Variants in NEGR1 observed in about 807,000 individuals in gnomAD.
The protein encoded by NEGR1 is IgLON family member 4.
In NEGR1, 10 loss-of-function variants were observed where a neutral mutation model predicts 40.9. The ratio of observed to expected loss-of-function variants is 0.24; its 90% confidence interval spans 0.15 to 0.42. The LOEUF (loss-of-function observed/expected upper bound fraction) is 0.42. NEGR1 is among the 10% of genes least tolerant of loss of function. The pLI, the probability that NEGR1 is intolerant of heterozygous loss-of-function variation, is 1.00. For missense variants in NEGR1, 352 were observed against 438.9 expected (o/e 0.80, Z 1.77); for synonymous variants, 185 against 166.8 (o/e 1.11, Z -0.84).
intron 4 of NEGR1, among the ~76,000 whole-genome samples, chr1:71,647,395 C>A (rs1413982877): frequency 6.6e-6 from 1 of 151,902 alleles, no homozygotes; most frequent in African/African-American, 2.4e-5. Context: ...GCATTGGTCT[C>A]ATGTCTAGTA....
chr1:72,282,388 T>C lies in NEGR1; in HGVS notation c.107A>G (p.Gln36Arg), dbSNP rs1363927218. The C allele has an allele frequency of 3.1e-6, 5 of 1,613,924 alleles. No individual in the cohort carries two copies. The highest frequency in any genetic ancestry group is 2.2e-5 in the East Asian group (1 of 44,808). ...CLLPSCLPAG[Q>R]SVDFPWAAVD... ...GGCCGCCCAGGGGAAGTCCACACTC[T>C]GTCCAGCCGGGAGGCAGGAGGGTAG... The change falls in exon 1 of 7, where the codon CAG becomes CGG. Residue 36 changes from glutamine to arginine, a missense_variant. This residue lies in a region of NEGR1 where 81 missense variants were observed against 85.8 expected (regional missense o/e 0.94). Coordinates refer to ENST00000357731, the MANE Select transcript of NEGR1 (RefSeq NM_173808.3).
At chr1:72,174,038 A>T (rs1044585737) in intron 1 of NEGR1, among the ~76,000 whole-genome samples, 2 of 152,074 alleles carry the variant, frequency 1.3e-5, no homozygotes, top group South Asian at 4.1e-4. Flanking sequence ...TCATTTTCTC[A>T]TTTTGTTTCA....
intron 1 of NEGR1, among the ~76,000 whole-genome samples, chr1:72,069,669 A>G (rs1647382749): frequency 6.6e-6 from 1 of 152,132 alleles, no homozygotes; most frequent in Non-Finnish European, 1.5e-5. Context: ...CACTGAAATA[A>G]CACTCTATAG....
At chr1:71,950,181 G>A (rs555988004) in intron 1 of NEGR1, among the ~76,000 whole-genome samples, 1 of 152,000 alleles carries the variant, frequency 6.6e-6, no homozygotes, top group African/African-American at 2.4e-5. Context: ...TGTTTATGTA[G>A]TTCAGAGTTC....
At chr1:71,816,125 T>C (rs569726305) in intron 2 of NEGR1, among the ~76,000 whole-genome samples, 2 of 152,214 alleles carry the variant, frequency 1.3e-5, no homozygotes, top group African/African-American at 4.8e-5. Context: ...TATTTGCTTA[T>C]GTACTTGCTG....
Position 71,994,934 on chromosome 1 carries a change from A to G in NEGR1, c.177-59623T>C, listed in dbSNP as rs981670161. Among the ~76,000 whole-genome samples the G allele has an allele frequency of 6.1e-5, 9 of 146,506 alleles. No homozygotes were observed. In the Admixed American group the frequency reaches 6.3e-4, roughly 10 times the overall value. On this transcript the variant is annotated intron_variant, in intron 1 of 6. Coordinates refer to ENST00000357731, the MANE Select transcript of NEGR1 (RefSeq NM_173808.3). The stretch of plus-strand genomic sequence containing the variant: ...ATCAAACTTCCTGCCAGGCATCAGT[A>G]TGCCAGGATGTATGGCAATGCAATA...
chr1:72,121,180 T>C (rs1408977745), intron 1 of NEGR1, among the ~76,000 whole-genome samples: 1 of 151,998 alleles, frequency 6.6e-6, no homozygotes, highest in African/African-American at 2.4e-5. Context: ...CAAACAACCC[T>C]TACCTGCTGC....
intron 6 of NEGR1, among the ~76,000 whole-genome samples, chr1:71,521,125 T>TG (rs1647154190): frequency 6.6e-6 from 1 of 152,020 alleles, no homozygotes; most frequent in Admixed American, 6.6e-5. Context: ...GACTCTTACT[T>TG]GGGGTCAGAG....
chr1:72,271,593 A>G (rs1188610189), intron 1 of NEGR1, among the ~76,000 whole-genome samples: 1 of 151,944 alleles, frequency 6.6e-6, no homozygotes, highest in African/African-American at 2.4e-5. Context: ...ATAGACTAGT[A>G]ACTAAGAAGG....
chr1:71,697,119 T>A (rs1036089606), intron 4 of NEGR1, among the ~76,000 whole-genome samples: 2 of 151,824 alleles, frequency 1.3e-5, no homozygotes, highest in African/African-American at 2.4e-5. Flanking sequence ...CATTTCTGGA[T>A]ATATTTGGAA....
intron 1 of NEGR1, among the ~76,000 whole-genome samples, chr1:72,030,147 A>G (rs1378810808): frequency 6.6e-6 from 1 of 152,118 alleles, no homozygotes; most frequent in African/African-American, 2.4e-5. Context: ...CACAAGTGAC[A>G]ATGTAGAATG....
intron 2 of NEGR1, among the ~76,000 whole-genome samples, chr1:71,791,787 C>T (rs960048793): frequency 1.3e-5 from 2 of 151,940 alleles, no homozygotes; most frequent in African/African-American, 4.8e-5. Context: ...GAGAAAATGA[C>T]TAACTTTAAT....
At chr1:71,882,516 T>A (rs1660609852) in intron 2 of NEGR1, among the ~76,000 whole-genome samples, 2 of 152,060 alleles carry the variant, frequency 1.3e-5, no homozygotes. Flanking sequence ...AGGAAGAGAA[T>A]GTTTCCCATA....
chr1:71,613,501 G>A (rs1483485071), intron 4 of NEGR1, among the ~76,000 whole-genome samples: 1 of 151,868 alleles, frequency 6.6e-6, no homozygotes, highest in Non-Finnish European at 1.5e-5. Context: ...ACAAAAATTA[G>A]CCAGGCATAG....
intron 6 of NEGR1, among the ~76,000 whole-genome samples, chr1:71,569,013 T>C (rs12021677): frequency 0.26 from 39,988 of 151,408 alleles, 6,560 homozygotes; most frequent in East Asian, 0.65. Flanking sequence ...ACCTTCCAGG[T>C]TCACATGATT....
At chr1:71,965,108 T>G (rs1290252809) in intron 1 of NEGR1, among the ~76,000 whole-genome samples, 1 of 152,120 alleles carries the variant, frequency 6.6e-6, no homozygotes, top group Non-Finnish European at 1.5e-5. Context: ...GATAAAATAA[T>G]CGAGGGTCAC....
intron 4 of NEGR1, among the ~76,000 whole-genome samples, chr1:71,643,222 T>C (rs973468152): frequency 6.6e-6 from 1 of 151,976 alleles, no homozygotes; most frequent in African/African-American, 2.4e-5. Context: ...ATTCTTGCCA[T>C]GATGTTAGGC....
At chr1:71,712,914 C>A (rs895865987) in intron 3 of NEGR1, among the ~76,000 whole-genome samples, 3 of 152,198 alleles carry the variant, frequency 2.0e-5, no homozygotes, top group Non-Finnish European at 4.4e-5. Flanking sequence ...TCCCCTTCAA[C>A]ATTCTGCCAC....
chr1:71,880,401 C>A (rs1660550407), intron 2 of NEGR1, among the ~76,000 whole-genome samples: 1 of 151,804 alleles, frequency 6.6e-6, no homozygotes, highest in Non-Finnish European at 1.5e-5. Context: ...AATTTTGATG[C>A]CCCCAATTAC....
Sources: gnomAD v4.1 joint callset for allele counts (sites outside exome capture counted in the v4.1 genomes callset) on GRCh38, gnomAD v4.1.1 for gene constraint, gnomAD v4.1.1 regional missense constraint, MANE v1.5 for transcripts, NCBI Gene and HGNC (gene_info 2026-07-23, HGNC 2026-07-21) for gene names.